SVIL: variants seen among roughly 807,000 people sequenced by gnomAD.
The protein encoded by SVIL is archvillin.
A neutral mutation model predicts 240.4 loss-of-function variants in SVIL; 101 were observed. The observed-to-expected ratio is 0.42, with a 90% CI of 0.36 to 0.50. The LOEUF is 0.50. Ranked by LOEUF, SVIL falls within the 20% of genes least tolerant of loss-of-function variation. The pLI is 0.01. For synonymous variants in SVIL, 999 were observed against 1,100.0 expected, an observed-to-expected ratio of 0.91 and a Z score of 1.82; for missense variants, 2,512 against 2,818.7, an observed-to-expected ratio of 0.89 and a Z score of 2.46.
rs368921887 is a variant in SVIL at position 29,602,355 on chromosome 10, C to T, written c.-201+32065G>A. On this transcript the variant is annotated intron_variant, in intron 1 of 37. Coordinates refer to ENST00000355867, the MANE Select transcript of SVIL (RefSeq NM_021738.3). ...GCACATGGTACACCTTCCAACATGCCGTACCTGCTTAACCTGCCTTGTCTC... is the reference window on the plus strand; with the variant it reads ...GCACATGGTACACCTTCCAACATGCTGTACCTGCTTAACCTGCCTTGTCTC... The T allele has an allele frequency of 2.3e-4, 118 of 516,342 alleles. 1 individual carries two copies. The highest frequency in any genetic ancestry group is 1.2e-3 in the African/African-American group (60 of 51,666). 32.0% of individuals were successfully genotyped at this position (516,342 alleles called of 1,614,324 possible).
rs1945896793 is a variant in SVIL at position 29,474,082 on chromosome 10, C to G, written c.5378-93G>C. On this transcript the variant is annotated intron_variant, in intron 29 of 37. Coordinates refer to ENST00000355867, the MANE Select transcript of SVIL (RefSeq NM_021738.3). ...CTCACTTTCCCCGGGCCTGCAAGGA[C>G]CAGTGGCAAAGAGCCTCGGACCTAG... 2.0e-6 allele frequency: 3 copies of G among 1,508,360 alleles called. No individual in the cohort carries two copies. In the Admixed American group the frequency reaches 6.2e-5, roughly 31 times the overall value. The allele number at this position is 1,508,360 out of a possible 1,614,324, so 93.4% of individuals were successfully genotyped here.
intron 1 of SVIL, among the ~76,000 whole-genome samples, chr10:29,578,874 G>A (rs1268229410): frequency 2.6e-5 from 4 of 152,202 alleles, no homozygotes; most frequent in African/African-American, 9.6e-5. Flanking sequence ...GAGAGGAAAA[G>A]TATTACTTCT....
Position 29,480,590 on chromosome 10 carries a change from A to T in SVIL, c.5324T>A (p.Phe1775Tyr), listed in dbSNP as rs753398500. The change falls in exon 29 of 38, where the codon TTC becomes TAC. Residue 1775 changes from phenylalanine (F) to tyrosine (Y), a missense_variant. Transcript: ENST00000355867. ...SRLPKQSIGQ[F>Y]HEGDAYVVKW... ...GACCACATAGGCATCCCCCTCATGG[A>T]ACTGCCCGATGCTTTGTTTGGGGAG... is the stretch of plus-strand genomic sequence containing the variant. 7 of 1,614,018 alleles carry T rather than the reference A, an allele frequency of 4.3e-6. No individual in the cohort carries two copies. The East Asian group carries it at 1.6e-4, about 36-fold the overall frequency.
intron 21 of SVIL, among the ~76,000 whole-genome samples, chr10:29,491,297 C>T (rs71489677): frequency 0.089 from 13,465 of 151,638 alleles, 631 homozygotes; most frequent in Admixed American, 0.13. Context: ...GGGCAGCTCA[C>T]GGCTCTGCTA....
At chr10:29,668,478 A>AT (rs369171712) in intron 2 of SVIL, among the ~76,000 whole-genome samples, 2,639 of 151,626 alleles carry the variant, frequency 0.017, 92 homozygotes, top group African/African-American at 0.06. Flanking sequence ...ATCTAAGATA[A>AT]TTTTTTTTTC....
chr10:29,734,717 C>A (rs1274157754), intron 1 of SVIL, among the ~76,000 whole-genome samples: 4 of 152,110 alleles, frequency 2.6e-5, no homozygotes. Flanking sequence ...TCACAGCAAG[C>A]AGAACGTCCT....
At chr10:29,521,870 C>A (rs1193791894) in intron 16 of SVIL, among the ~76,000 whole-genome samples, 2 of 152,196 alleles carry the variant, frequency 1.3e-5, no homozygotes, top group Admixed American at 6.5e-5. Context: ...ACCTGACATA[C>A]AATTTCTAAA....
At chr10:29,597,157 T>G (rs1456269334) in intron 1 of SVIL, among the ~76,000 whole-genome samples, 3 of 152,162 alleles carry the variant, frequency 2.0e-5, no homozygotes, top group African/African-American at 7.2e-5. Context: ...AGAAGCAACC[T>G]CTTGGGCATA....
At chr10:29,593,224 T>G (rs2505924) in intron 1 of SVIL, among the ~76,000 whole-genome samples, 54,262 of 152,122 alleles carry the variant, frequency 0.36, 10,190 homozygotes, top group Middle Eastern at 0.43. Flanking sequence ...CATTAACATT[T>G]TACACTATTA....
chr10:29,474,971 A>C (rs1453377856), intron 29 of SVIL, among the ~76,000 whole-genome samples: 1 of 152,228 alleles, frequency 6.6e-6, no homozygotes, highest in Non-Finnish European at 1.5e-5. Context: ...CTGGAACTGC[A>C]CAGGCACTCG....
chr10:29,524,997 C>G (rs988391543), intron 13 of SVIL, among the ~76,000 whole-genome samples: 1 of 152,112 alleles, frequency 6.6e-6, no homozygotes, highest in African/African-American at 2.4e-5. Context: ...TTGGCTATAC[C>G]TTATCTTAGA....
intron 2 of SVIL, among the ~76,000 whole-genome samples, chr10:29,666,538 AG>A (rs2133048903): frequency 6.6e-6 from 1 of 152,328 alleles, no homozygotes; most frequent in Non-Finnish European, 1.5e-5. Context: ...ACGACCCGTG[AG>A]CCTGGTACAC....
chr10:29,680,384 G>A (rs1960542333), intron 2 of SVIL, among the ~76,000 whole-genome samples: 1 of 152,192 alleles, frequency 6.6e-6, no homozygotes, highest in Non-Finnish European at 1.5e-5. Flanking sequence ...GAAGAGGGAA[G>A]GTGTTCCAGG....
chr10:29,542,365 A>T (rs1952237002), intron 6 of SVIL, among the ~76,000 whole-genome samples: 2 of 152,214 alleles, frequency 1.3e-5, no homozygotes, highest in Admixed American at 1.3e-4. Context: ...GCTTCTACTA[A>T]AGTAATGCTA....
Position 29,467,851 on chromosome 10 carries a change from A to G in SVIL, c.5868T>C (p.His1956=). Residue 1956 remains histidine, a synonymous_variant, in exon 33 of 38, where the codon CAT becomes CAC. Transcript: ENST00000355867. The stretch of plus-strand genomic sequence containing the variant: ...CGTGTATTGTGACTTTGCTGCTACT[A>G]TGCAGTCCTGCTTCCAGGGGACATC... The part of the protein sequence containing the change: ...KEQCPLEAGL[H]SSSKVTIHEC... 1 of 1,614,170 alleles carries G rather than the reference A, an allele frequency of 6.2e-7. No homozygotes were observed. The highest frequency in any genetic ancestry group is 1.1e-5 in the South Asian group (1 of 91,080).
chr10:29,583,334 G>C (rs1253905494), intron 1 of SVIL, among the ~76,000 whole-genome samples: 3 of 152,120 alleles, frequency 2.0e-5, no homozygotes, highest in Non-Finnish European at 1.5e-5. Context: ...GTCTGGCTCT[G>C]TTGCCCAAGC....
Position 29,465,755 on chromosome 10 carries a change from GA to G in SVIL, c.5978-6del, listed in dbSNP as rs764027377. 8.7e-6 allele frequency: 14 copies of G among 1,611,348 alleles called. No homozygotes were observed. In the African/African-American group the frequency reaches 1.9e-4, roughly 21 times the overall value. Reference sequence around the variant, plus strand: ...CGAAGTTAAAACTTCCAGGATCTTTGAAAGAAAAGAGAACAAAGCTGAAGAT... The same window carrying G: ...CGAAGTTAAAACTTCCAGGATCTTTGAAGAAAAGAGAACAAAGCTGAAGAT... On this transcript the variant is annotated splice_polypyrimidine_tract_variant and splice_region_variant and intron_variant, in intron 33 of 37. Transcript: ENST00000355867.
chr10:29,476,070 T>G (rs143791503), intron 29 of SVIL, among the ~76,000 whole-genome samples: 3 of 152,218 alleles, frequency 2.0e-5, no homozygotes, highest in African/African-American at 7.2e-5. Flanking sequence ...AGTTTGGGTG[T>G]TTTTGAGAGG....
At chr10:29,636,257 G>A (rs1387689483), upstream of SVIL, among the ~76,000 whole-genome samples, 2 of 151,992 alleles carry the variant, frequency 1.3e-5, no homozygotes, top group South Asian at 2.1e-4. Context: ...CTTGTTTTAC[G>A]TATTTTTATA....
Sources: allele counts gnomAD v4.1 joint callset (sites outside exome capture counted in the v4.1 genomes callset), GRCh38; gene constraint gnomAD v4.1.1; transcripts MANE v1.5; gene names NCBI Gene and HGNC (gene_info 2026-07-23, HGNC 2026-07-21).